The following SLC2A12 variants were observed in gnomAD, a reference collection of about 807,000 sequenced individuals.
SLC2A12 encodes solute carrier family 2 member 12.
A neutral mutation model predicts 41.8 loss-of-function variants in SLC2A12; 23 were observed. The observed-to-expected ratio is 0.55, with a 90% CI of 0.40 to 0.78. SLC2A12 has a LOEUF of 0.78. Ranked by LOEUF, SLC2A12 falls within the 30% of genes least tolerant of loss-of-function variation. SLC2A12 has a pLI of 0.00. For missense variants in SLC2A12, 654 were observed against 745.6 expected (o/e 0.88, Z 1.43); for synonymous variants, 295 against 285.9 (o/e 1.03, Z -0.32).
intron 2 of SLC2A12, among the ~76,000 whole-genome samples, chr6:134,017,100 T>G (rs1316712563): frequency 6.6e-6 from 1 of 152,184 alleles, no homozygotes; most frequent in Non-Finnish European, 1.5e-5. Flanking sequence ...GTCTCATATT[T>G]GGAGAAAAAC....
chr6:133,989,342 G>A lies in SLC2A12; in HGVS notation c.*1813C>T, dbSNP rs1285912630. The A allele has an allele frequency of 6.6e-6, 1 of 152,050 alleles. No individual in the cohort carries two copies. Among genetic ancestry groups the A allele is most frequent in the African/African-American group, 2.4e-5 (1 of 41,400 alleles). 9.4% of individuals were successfully genotyped at this position (152,050 alleles called of 1,614,324 possible). A position where few individuals can be genotyped will look rare whatever the true frequency, so the allele number is the denominator to read the frequency against. On this transcript the variant is annotated 3_prime_UTR_variant, in exon 5 of 5. Coordinates refer to ENST00000275230, the MANE Select transcript of SLC2A12 (RefSeq NM_145176.3). Reference sequence around the variant, plus strand: ...CAAAATTGTTTAGTTACAGACTCAGGATAATAAAAGAAAAATATAAAAGAA... The same window carrying A: ...CAAAATTGTTTAGTTACAGACTCAGAATAATAAAAGAAAAATATAAAAGAA...
At chr6:133,992,231 G>T (rs746064760) in intron 4 of SLC2A12, among the ~76,000 whole-genome samples, 2 of 152,214 alleles carry the variant, frequency 1.3e-5, no homozygotes, top group Non-Finnish European at 2.9e-5. Flanking sequence ...GATGCAGTCA[G>T]TGTACAAATG....
intron 2 of SLC2A12, among the ~76,000 whole-genome samples, chr6:134,022,035 C>A (rs866731242): frequency 5.3e-5 from 8 of 152,102 alleles, no homozygotes; most frequent in Non-Finnish European, 8.8e-5. Context: ...GGCCCTGGAG[C>A]ACAAGACTTA....
At chr6:134,020,369 C>T (rs906314463) in intron 2 of SLC2A12, among the ~76,000 whole-genome samples, 9 of 152,158 alleles carry the variant, frequency 5.9e-5, no homozygotes, top group Non-Finnish European at 1.0e-4. Context: ...AATAAACTCT[C>T]TAAATACCTG....
chr6:134,032,832 A>G (rs1777240345), intron 1 of SLC2A12, among the ~76,000 whole-genome samples: 1 of 143,932 alleles, frequency 6.9e-6, no homozygotes, highest in South Asian at 2.1e-4. Context: ...TAAATTATAT[A>G]TTATTTATAT....
At chr6:134,041,872 T>C (rs1777386385) in intron 1 of SLC2A12, among the ~76,000 whole-genome samples, 1 of 152,158 alleles carries the variant, frequency 6.6e-6, no homozygotes, top group African/African-American at 2.4e-5. Context: ...AACCCGCAGC[T>C]GTCTTTCCTA....
intron 4 of SLC2A12, among the ~76,000 whole-genome samples, chr6:133,994,878 C>A (rs547279782): frequency 6.6e-6 from 1 of 152,074 alleles, no homozygotes; most frequent in Admixed American, 6.5e-5. Flanking sequence ...GGGGACGGGT[C>A]GCAGAAGGAT....
chr6:134,006,115 T>C (rs1014222735), intron 3 of SLC2A12, among the ~76,000 whole-genome samples: 1 of 140,126 alleles, frequency 7.1e-6, no homozygotes, highest in African/African-American at 2.7e-5. Context: ...GAGGTTACAG[T>C]GAGCCGAGAT....
At chr6:133,993,515 C>T (rs1462676345) in intron 4 of SLC2A12, among the ~76,000 whole-genome samples, 2 of 152,090 alleles carry the variant, frequency 1.3e-5, no homozygotes, top group African/African-American at 2.4e-5. Context: ...TATTCAATGC[C>T]GAGCTTCGAT....
At chr6:134,048,400 C>A (rs563067189) in intron 1 of SLC2A12, among the ~76,000 whole-genome samples, 1 of 152,196 alleles carries the variant, frequency 6.6e-6, no homozygotes, top group Non-Finnish European at 1.5e-5. Flanking sequence ...AGTTGGAGAC[C>A]AGCCTGGCCA....
intron 2 of SLC2A12, among the ~76,000 whole-genome samples, chr6:134,026,865 G>A (rs1777120426): frequency 6.6e-6 from 1 of 152,220 alleles, no homozygotes; most frequent in Admixed American, 6.5e-5. Context: ...GCAAAGAGCA[G>A]CGTCAATCAG....
intron 2 of SLC2A12, among the ~76,000 whole-genome samples, chr6:134,008,223 A>G (rs1202932515): frequency 6.6e-6 from 1 of 152,242 alleles, no homozygotes; most frequent in Non-Finnish European, 1.5e-5. Flanking sequence ...GCAGTCAGCC[A>G]TGCCTCTAAC....
chr6:134,040,051 G>GTTTTTTTT (rs1334808484), intron 1 of SLC2A12, among the ~76,000 whole-genome samples: 1 of 86,052 alleles, frequency 1.2e-5, no homozygotes, highest in Non-Finnish European at 2.2e-5. Context: ...TCAGGTTGTT[G>GTTTTTTTT]TTTTTTGTTT....
At chr6:134,050,627 G>T (rs1396146127) in intron 1 of SLC2A12, among the ~76,000 whole-genome samples, 2 of 152,104 alleles carry the variant, frequency 1.3e-5, no homozygotes, top group Non-Finnish European at 2.9e-5. Flanking sequence ...TACTACAAAG[G>T]CTCTTCCTAG....
chr6:134,037,144 A>ATTTTTTT (rs533155835), intron 1 of SLC2A12, among the ~76,000 whole-genome samples: 2 of 83,310 alleles, frequency 2.4e-5, no homozygotes, highest in Middle Eastern at 7.5e-3. Flanking sequence ...ACTCGATTCA[A>ATTTTTTT]TTTTTTTTTT....
Position 134,028,392 on chromosome 6 carries a change from C to T in SLC2A12, c.1433G>A (p.Gly478Asp). 2 of 1,611,834 alleles carry T rather than the reference C, an allele frequency of 1.2e-6. No homozygotes were observed. Among genetic ancestry groups the T allele is most frequent in the Non-Finnish European group, 8.5e-7 (1 of 1,178,970 alleles). ...LLVYVAAFSI[G>D]LGPMPWLVLS... is the part of the protein sequence containing the mutation. The stretch of plus-strand genomic sequence containing the variant: ...AATAAAGTACTTACTTGGTCCTAGA[C>T]CAATTGAAAAAGCAGCAACATAAAC... Residue 478 changes from glycine (G) to aspartate (D), a missense_variant, in exon 2 of 5, where the codon GGT becomes GAT. This residue lies in a region of SLC2A12 where 134 missense variants were observed against 180.5 expected (regional missense o/e 0.74). Coordinates refer to ENST00000275230, the MANE Select transcript of SLC2A12 (RefSeq NM_145176.3).
intron 2 of SLC2A12, among the ~76,000 whole-genome samples, chr6:134,024,106 C>T (rs763094719): frequency 2.6e-5 from 4 of 152,210 alleles, no homozygotes; most frequent in East Asian, 1.9e-4. Flanking sequence ...GAGGGCCCAG[C>T]GAGTTTGGCC....
At chr6:134,035,802 C>T (rs1196277159) in intron 1 of SLC2A12, among the ~76,000 whole-genome samples, 2 of 152,176 alleles carry the variant, frequency 1.3e-5, no homozygotes, top group African/African-American at 4.8e-5. Context: ...AATGACAATT[C>T]TTTATTAAGG....
chr6:134,032,013 G>A (rs769024384), intron 1 of SLC2A12, among the ~76,000 whole-genome samples: 4 of 152,150 alleles, frequency 2.6e-5, no homozygotes, highest in African/African-American at 4.8e-5. Context: ...TTAGAAATGT[G>A]ATTACACACA....
Sources: allele counts gnomAD v4.1 joint callset (sites outside exome capture counted in the v4.1 genomes callset), GRCh38; gene constraint gnomAD v4.1.1; regional missense constraint gnomAD v4.1.1; transcripts MANE v1.5; gene names NCBI Gene and HGNC (gene_info 2026-07-23, HGNC 2026-07-21).